CFAP44: variants seen among roughly 807,000 people sequenced by gnomAD.
CFAP44 encodes cilia- and flagella-associated protein 44.
A neutral mutation model predicts 216.2 loss-of-function variants in CFAP44; 134 were observed. The ratio of observed to expected loss-of-function variants is 0.62; its 90% CI spans 0.54 to 0.72. The LOEUF (loss-of-function observed/expected upper bound fraction) is 0.72, where lower values mean the gene tolerates loss of function less well. Ranked by LOEUF, CFAP44 falls within the 30% of genes least tolerant of loss-of-function variation. The probability of loss-of-function intolerance (pLI) is 0.00; values close to 1 mark genes in which losing one functional copy is unlikely to be tolerated. For synonymous variants in CFAP44, 700 were observed against 727.6 expected, an observed-to-expected ratio of 0.96 and a Z score of 0.61; for missense variants, 2,035 against 2,182.1, an observed-to-expected ratio of 0.93 and a Z score of 1.34.
Position 113,379,536 on chromosome 3 carries a change from C to T in CFAP44, c.2068G>A (p.Glu690Lys). Residue 690 changes from glutamate to lysine, a missense_variant, in exon 17 of 35, where the codon GAA becomes AAA. Around this residue, in one of 3 missense-constraint regions of CFAP44, gnomAD observed 1,883 missense variants for 2,023.7 expected, o/e 0.93. Transcript: ENST00000393845. Reference protein sequence around the residue: ...KSKILRLIEIEKRERQRELKE... With the variant: ...KSKILRLIEIKKRERQRELKE... The stretch of plus-strand genomic sequence containing the variant: ...AACTCCCTTTGTCTCTCCCTCTTTT[C>T]AATTTCTATTAATCTCTTTTAAAAT... The T allele has an allele frequency of 6.3e-7, 1 of 1,587,202 alleles. No homozygotes were observed. The highest frequency in any genetic ancestry group is 8.6e-7 in the Non-Finnish European group (1 of 1,158,208).
At position 113,338,056 on chromosome 3, in the gene CFAP44, G is replaced by T. The variant is rs557282088; in HGVS notation, c.3437+3688C>A. Among the ~76,000 whole-genome samples, 3 of 151,614 alleles carry T rather than the reference G, an allele frequency of 2.0e-5. No homozygotes were observed. The East Asian group carries it at 5.8e-4, about 29-fold the overall frequency. On this transcript the variant is annotated intron_variant, in intron 24 of 34. Coordinates refer to ENST00000393845, the MANE Select transcript of CFAP44 (RefSeq NM_001164496.2). ...GGCAGGTAGATCACTTGAGGTCAGGGGTTCCAAACCAGCCTGGCCAACATG... is the reference window on the plus strand; with the variant it reads ...GGCAGGTAGATCACTTGAGGTCAGGTGTTCCAAACCAGCCTGGCCAACATG...
At chr3:113,424,680 A>C (rs536964391) in intron 4 of CFAP44, among the ~76,000 whole-genome samples, 17 of 152,278 alleles carry the variant, frequency 1.1e-4, no homozygotes, top group African/African-American at 4.1e-4. Context: ...CTCTCTAGTG[A>C]GCCGTCCAAA....
At chr3:113,426,665 A>C (rs1415291052) in intron 3 of CFAP44, 19 of 203,112 alleles carry the variant, frequency 9.4e-5, no homozygotes, top group Non-Finnish European at 1.7e-4. Context: ...TAGCAGCATG[A>C]GAACGGACTA....
At position 113,296,800 on chromosome 3, in the gene CFAP44, A is replaced by T. The variant is rs148547745; in HGVS notation, c.5163T>A (p.Asn1721Lys). Residue 1721 changes from asparagine (N) to lysine (K), a missense_variant, in exon 33 of 35, where the codon AAT becomes AAA. Asn to Lys is a moderately conservative substitution (Grantham distance 94). This residue lies in a region of CFAP44 where 1,883 missense variants were observed against 2,023.7 expected (regional missense o/e 0.93). Coordinates refer to ENST00000393845, the MANE Select transcript of CFAP44 (RefSeq NM_001164496.2). Reference sequence around the variant, plus strand: ...TGATCTTCAGTTCTTCAAGTGTTGTATTAACAGAAAGCGTTTGAAGGGCTT... The same window carrying T: ...TGATCTTCAGTTCTTCAAGTGTTGTTTTAACAGAAAGCGTTTGAAGGGCTT... ...NLEALQTLSV[N>K]TTLEELKIRK... is the part of the protein sequence containing the mutation. The T allele has an allele frequency of 5.0e-4, 763 of 1,537,710 alleles. 8 individuals carry two copies. The East Asian group carries it at 0.017, about 34-fold the overall frequency.
In CFAP44 at chr3:113,297,839, G is replaced by T. The variant is rs182311539; in HGVS notation, c.5078-954C>A. On this transcript the variant is annotated intron_variant, in intron 32 of 34. Transcript: ENST00000393845. ...TGAAGGCCTTAATATGCAGCAAGAT[G>T]ATTCAATTCTTTTATAGTGCAGAAA... is the stretch of plus-strand genomic sequence containing the variant. 4.6e-5 allele frequency among the ~76,000 whole-genome samples: 7 copies of T among 152,316 alleles called. 1 individual carries two copies. Among genetic ancestry groups the T allele is most frequent in the African/African-American group, 1.7e-4 (7 of 41,570 alleles).
intron 28 of CFAP44, among the ~76,000 whole-genome samples, chr3:113,318,968 A>C (rs201626739): frequency 2.8e-5 from 4 of 145,450 alleles, no homozygotes; most frequent in Non-Finnish European, 6.1e-5. Flanking sequence ...AAAAAAAAAC[A>C]AAAAAAAAAC....
intron 22 of CFAP44, among the ~76,000 whole-genome samples, chr3:113,354,814 C>T (rs1950479046): frequency 6.6e-6 from 1 of 152,182 alleles, no homozygotes; most frequent in African/African-American, 2.4e-5. Context: ...AGTTTGCATC[C>T]TCCCTACAGG....
intron 15 of CFAP44, among the ~76,000 whole-genome samples, chr3:113,382,786 T>G (rs1933549347): frequency 6.6e-6 from 1 of 152,154 alleles, no homozygotes; most frequent in South Asian, 2.1e-4. Context: ...ATTTTCCATT[T>G]GGTAGTGGGA....
At chr3:113,345,690 AAATT>A (rs1348617893) in intron 22 of CFAP44, among the ~76,000 whole-genome samples, 1 of 152,210 alleles carries the variant, frequency 6.6e-6, no homozygotes, top group African/African-American at 2.4e-5. Context: ...TCAACTAAAA[AAATT>A]AATTAACAAA....
intron 34 of CFAP44, chr3:113,294,424 A>G: frequency 2.4e-6 from 1 of 420,042 alleles, no homozygotes; most frequent in Non-Finnish European, 4.2e-6. Context: ...GTAACCTTAC[A>G]CCTCTCCAGG....
chr3:113,430,938 T>C (rs1302232925), intron 2 of CFAP44, among the ~76,000 whole-genome samples: 6 of 152,198 alleles, frequency 3.9e-5, no homozygotes, highest in Non-Finnish European at 8.8e-5. Context: ...TGAGAAATGA[T>C]GGATGGTTTA....
intron 1 of CFAP44, among the ~76,000 whole-genome samples, chr3:113,440,769 C>T (rs1935342074): frequency 1.3e-5 from 2 of 152,120 alleles, no homozygotes; most frequent in Non-Finnish European, 2.9e-5. Context: ...TGTAAAGGTC[C>T]CTTGTCAGAG....
chr3:113,423,891 G>A (rs1001829130), intron 4 of CFAP44, among the ~76,000 whole-genome samples: 9 of 152,198 alleles, frequency 5.9e-5, no homozygotes, highest in Non-Finnish European at 8.8e-5. Context: ...TACAGAAAAC[G>A]AAAGTGAGGT....
At chr3:113,299,982 G>C (rs377300074) in intron 32 of CFAP44, among the ~76,000 whole-genome samples, 3 of 152,340 alleles carry the variant, frequency 2.0e-5, no homozygotes, top group Admixed American at 6.5e-5. Flanking sequence ...AGTAAGCCAT[G>C]ATTGCGCTAC....
At chr3:113,311,436 T>C (rs1221095021) in intron 28 of CFAP44, among the ~76,000 whole-genome samples, 1 of 152,230 alleles carries the variant, frequency 6.6e-6, no homozygotes, top group Non-Finnish European at 1.5e-5. Flanking sequence ...CTAATGGTTT[T>C]ATCAGGGGTT....
At chr3:113,380,291 G>C (rs751955215) in intron 16 of CFAP44, among the ~76,000 whole-genome samples, 21 of 152,078 alleles carry the variant, frequency 1.4e-4, no homozygotes, top group Non-Finnish European at 1.5e-5. Context: ...ACAGACTCTT[G>C]CAACATCCTT....
chr3:113,394,966 T>C (rs1386907336), intron 15 of CFAP44, among the ~76,000 whole-genome samples: 1 of 152,236 alleles, frequency 6.6e-6, no homozygotes. Context: ...ACTGCTTATT[T>C]AATCCACTAC....
chr3:113,305,218 A>AT (rs1949974013), intron 30 of CFAP44, 66 bp from the exon 31 acceptor site: 1 of 1,333,136 alleles, frequency 7.5e-7, no homozygotes, highest in African/African-American at 1.4e-5. Flanking sequence ...AAGATGGTGA[A>AT]TGAAGGCATC....
In CFAP44 at chr3:113,294,591, GT is replaced by G. The variant is rs953215664; in HGVS notation, c.5373+95del. The G allele has an allele frequency of 2.1e-6, 3 of 1,414,294 alleles. No homozygotes were observed. In the Admixed American group the frequency reaches 8.8e-5, roughly 41 times the overall value. The allele number at this position is 1,414,294 out of a possible 1,614,324, so 87.6% of individuals were successfully genotyped here. A position where few individuals can be genotyped will look rare whatever the true frequency, so the allele number is the denominator to read the frequency against. ...TGGAAGTGGTCCAAGATCAAGCAAGGTTTGTTTAAATGCCAGTACTTAACAT... is the reference window on the plus strand; with the variant it reads ...TGGAAGTGGTCCAAGATCAAGCAAGGTTGTTTAAATGCCAGTACTTAACAT... On this transcript the variant is annotated intron_variant, in intron 34 of 34. Coordinates refer to ENST00000393845, the MANE Select transcript of CFAP44 (RefSeq NM_001164496.2).
Sources: allele counts gnomAD v4.1 joint callset (sites outside exome capture counted in the v4.1 genomes callset), GRCh38; gene constraint gnomAD v4.1.1; regional missense constraint gnomAD v4.1.1; transcripts MANE v1.5; gene names NCBI Gene and HGNC (gene_info 2026-07-23, HGNC 2026-07-21).